Variants in PIK3C2G observed in about 807,000 individuals in gnomAD.
PIK3C2G encodes the protein phosphatidylinositol-4-phosphate 3-kinase catalytic subunit type 2 gamma, also known as phosphatidylinositol 3-kinase C2 domain-containing subunit gamma.
Under a neutral mutation model 181.1 loss-of-function variants are expected in PIK3C2G, and 168 were observed. The observed-to-expected ratio is 0.93, with a 90% CI of 0.82 to 1.05. PIK3C2G has a LOEUF of 1.05. PIK3C2G is among the 50% of genes least tolerant of loss of function. The pLI is 0.00. For missense variants in PIK3C2G, 1,869 were observed against 1,732.8 expected (o/e 1.08, Z -1.40); for synonymous variants, 573 against 592.2 (o/e 0.97, Z 0.47).
chr12:18,354,046 A>G (rs1205926774), intron 11 of PIK3C2G, among the ~76,000 whole-genome samples: 2 of 152,222 alleles, frequency 1.3e-5, no homozygotes, highest in Non-Finnish European at 2.9e-5. Flanking sequence ...TGTGATACAA[A>G]GCTCATAACC....
intron 30 of PIK3C2G, among the ~76,000 whole-genome samples, chr12:18,603,500 G>A (rs1947841699): frequency 6.6e-6 from 1 of 152,076 alleles, no homozygotes; most frequent in Non-Finnish European, 1.5e-5. Flanking sequence ...TCCTAGACAT[G>A]CAAATATAAG....
the PIK3C2G span, among the ~76,000 whole-genome samples, chr12:18,715,329 G>A: frequency 1.3e-5 from 2 of 151,852 alleles, no homozygotes; most frequent in African/African-American, 4.8e-5. Flanking sequence ...TTAACTTGGA[G>A]GCTTCACCAA....
chr12:18,248,533 T>C (rs1285448711), intron 1 of PIK3C2G, among the ~76,000 whole-genome samples: 1 of 152,196 alleles, frequency 6.6e-6, no homozygotes, highest in African/African-American at 2.4e-5. Flanking sequence ...ATCGCGCCAC[T>C]GCACTCCAGC....
At chr12:18,677,527 C>T in the PIK3C2G span, among the ~76,000 whole-genome samples, 2 of 152,012 alleles carry the variant, frequency 1.3e-5, no homozygotes, top group Non-Finnish European at 2.9e-5. Context: ...TGTGAATTTT[C>T]GTCTCTTAAA....
the PIK3C2G span, among the ~76,000 whole-genome samples, chr12:18,704,008 A>G: frequency 6.6e-6 from 1 of 152,222 alleles, no homozygotes; most frequent in African/African-American, 2.4e-5. Context: ...TTGTAATCTG[A>G]TAAAATTTGG....
At chr12:18,518,676 A>G (rs1273864496) in intron 24 of PIK3C2G, among the ~76,000 whole-genome samples, 2 of 152,128 alleles carry the variant, frequency 1.3e-5, no homozygotes, top group Non-Finnish European at 2.9e-5. Flanking sequence ...TTTTTCAAAA[A>G]ACAAGCTCCT....
intron 1 of PIK3C2G, among the ~76,000 whole-genome samples, chr12:18,270,133 C>T (rs1267838373): frequency 6.6e-6 from 1 of 152,084 alleles, no homozygotes; most frequent in Non-Finnish European, 1.5e-5. Flanking sequence ...TAGTCTTGAA[C>T]TCCCGACCTC....
the PIK3C2G span, among the ~76,000 whole-genome samples, chr12:18,708,401 C>A: frequency 6.6e-6 from 1 of 152,248 alleles, no homozygotes; most frequent in African/African-American, 2.4e-5. Flanking sequence ...TTTCTTTATT[C>A]ATTTGTCTGT....
At chr12:18,389,998 T>G (rs995488825) in intron 14 of PIK3C2G, among the ~76,000 whole-genome samples, 3 of 152,170 alleles carry the variant, frequency 2.0e-5, no homozygotes, top group Non-Finnish European at 4.4e-5. Flanking sequence ...GCCCTTCCCC[T>G]CTAAGGTACC....
intron 2 of PIK3C2G, among the ~76,000 whole-genome samples, chr12:18,284,113 A>C (rs979873403): frequency 6.6e-6 from 1 of 152,092 alleles, no homozygotes; most frequent in Admixed American, 6.6e-5. Flanking sequence ...CGGCTTGGCC[A>C]AGTATTGGGA....
intron 17 of PIK3C2G, among the ~76,000 whole-genome samples, chr12:18,423,352 C>G (rs1044969708): frequency 1.3e-5 from 2 of 152,008 alleles, no homozygotes; most frequent in African/African-American, 4.8e-5. Context: ...AGATGAAGCC[C>G]TAAATTAGGT....
At chr12:18,338,263 G>A (rs1042518340) in intron 8 of PIK3C2G, among the ~76,000 whole-genome samples, 163 bp from the exon 9 acceptor site, 1 of 152,118 alleles carries the variant, frequency 6.6e-6, no homozygotes, top group African/African-American at 2.4e-5. Context: ...TAAAGCCCCA[G>A]TCACAGGATA....
the PIK3C2G span, among the ~76,000 whole-genome samples, chr12:18,661,617 G>A: frequency 1.3e-5 from 2 of 152,208 alleles, no homozygotes; most frequent in East Asian, 3.9e-4. Context: ...ACACCAGTCA[G>A]AATGGCTATT....
chr12:18,680,078 T>C, the PIK3C2G span, among the ~76,000 whole-genome samples: 2 of 147,208 alleles, frequency 1.4e-5, no homozygotes, highest in African/African-American at 4.9e-5. Context: ...TCCAGTGTGT[T>C]ATTACTTGGA....
At position 18,471,620 on chromosome 12, in the gene PIK3C2G, AT is replaced by A. The variant is rs529474661; in HGVS notation, c.2505-16822del. Reference sequence around the variant, plus strand: ...TCCAACACCTACCCATCCATATCTTATTTTTTTAGGATTCAATTCACAGAGC... The same window carrying A: ...TCCAACACCTACCCATCCATATCTTATTTTTTAGGATTCAATTCACAGAGC... On this transcript the variant is annotated intron_variant, in intron 18 of 32. Coordinates refer to ENST00000538779, the MANE Select transcript of PIK3C2G (RefSeq NM_001288772.2). Among the ~76,000 whole-genome samples the A allele has an allele frequency of 7.1e-3, 1,072 of 152,046 alleles. 6 individuals are homozygous for A. Among genetic ancestry groups the A allele is most frequent in the African/African-American group, 0.019 (787 of 41,486 alleles).
At chr12:18,445,421 T>TA (rs11427292) in intron 18 of PIK3C2G, among the ~76,000 whole-genome samples, 37,612 of 148,750 alleles carry the variant, frequency 0.25, 5,043 homozygotes, top group Admixed American at 0.36. Context: ...TGGCAAAAAT[T>TA]AAAAAAAAAA....
chr12:18,410,322 T>G (rs1473291369), intron 16 of PIK3C2G, among the ~76,000 whole-genome samples: 1 of 152,006 alleles, frequency 6.6e-6, no homozygotes, highest in Non-Finnish European at 1.5e-5. Context: ...CTGGCCAACA[T>G]GGTGAAACCC....
intron 31 of PIK3C2G, among the ~76,000 whole-genome samples, chr12:18,616,156 A>G (rs1446214161): frequency 6.6e-6 from 1 of 152,194 alleles, no homozygotes; most frequent in African/African-American, 2.4e-5. Flanking sequence ...TTTTCTTTGG[A>G]AACTTTACTA....
intron 20 of PIK3C2G, among the ~76,000 whole-genome samples, chr12:18,492,748 TG>T (rs1424904136): frequency 6.6e-6 from 1 of 152,092 alleles, no homozygotes; most frequent in African/African-American, 2.4e-5. Flanking sequence ...AGAGTGTTTT[TG>T]TTTTTGTTTT....
Sources: allele counts gnomAD v4.1 joint callset (sites outside exome capture counted in the v4.1 genomes callset), GRCh38; gene constraint gnomAD v4.1.1; transcripts MANE v1.5; gene names NCBI Gene and HGNC (gene_info 2026-07-23, HGNC 2026-07-21).